Variants in NDUFAF2 observed in about 807,000 individuals in gnomAD.
NDUFAF2 encodes the protein NADH dehydrogenase [ubiquinone] 1 alpha subcomplex assembly factor 2.
Under a neutral mutation model 22.8 loss-of-function variants are expected in NDUFAF2, and 13 were observed. The observed-to-expected ratio is 0.57, with a 90% CI of 0.37 to 0.91. NDUFAF2 has a LOEUF of 0.91. Ranked by LOEUF, NDUFAF2 falls within the 40% of genes least tolerant of loss-of-function variation. NDUFAF2 has a pLI of 0.01. For missense variants in NDUFAF2, 162 were observed against 195.2 expected (o/e 0.83, Z 1.01); for synonymous variants, 53 against 64.2 (o/e 0.83, Z 0.84).
At position 60,955,029 on chromosome 5, in the gene NDUFAF2, G is replaced by A. The variant is rs184720715; in HGVS notation, c.127+9647G>A. ...TGCAAATATTTGTCCTATTCCATAG[G>A]TTGCCTTTGTATCCTTTGCTTTGCA... On this transcript the variant is annotated intron_variant, in intron 1 of 3. Transcript: ENST00000296597. Among the ~76,000 whole-genome samples, 235 of 152,148 alleles carry A rather than the reference G, an allele frequency of 1.5e-3. 1 individual carries two copies. Among genetic ancestry groups the A allele is most frequent in the African/African-American group, 5.5e-3 (228 of 41,538 alleles).
At chr5:61,098,435 C>A (rs548478818) in intron 2 of NDUFAF2, among the ~76,000 whole-genome samples, 1 of 152,208 alleles carries the variant, frequency 6.6e-6, no homozygotes, top group Non-Finnish European at 1.5e-5. Context: ...CAGGCCCCAG[C>A]AGCCACTTAA....
chr5:61,007,076 T>C (rs900847842), intron 1 of NDUFAF2, among the ~76,000 whole-genome samples: 1 of 152,094 alleles, frequency 6.6e-6, no homozygotes, highest in East Asian at 1.9e-4. Context: ...TGCCTGTTCA[T>C]TCTGATGGTA....
At chr5:61,128,962 A>C (rs1753072493) in intron 3 of NDUFAF2, among the ~76,000 whole-genome samples, 1 of 152,204 alleles carries the variant, frequency 6.6e-6, no homozygotes, top group African/African-American at 2.4e-5. Context: ...AGAAAAAAAC[A>C]ACCCCATCAA....
At chr5:60,973,257 TC>T (rs35443366) in intron 1 of NDUFAF2, among the ~76,000 whole-genome samples, 1 of 152,156 alleles carries the variant, frequency 6.6e-6, no homozygotes, top group African/African-American at 2.4e-5. Flanking sequence ...AGTATAGAGT[TC>T]CCTGAGTTCA....
At chr5:61,148,313 T>C (rs1353476482) in intron 3 of NDUFAF2, among the ~76,000 whole-genome samples, 2 of 152,186 alleles carry the variant, frequency 1.3e-5, no homozygotes, top group Admixed American at 1.3e-4. Flanking sequence ...TGCTGCCTAT[T>C]GTCCAGTATC....
At chr5:61,117,871 T>C (rs1024519066) in intron 3 of NDUFAF2, among the ~76,000 whole-genome samples, 19 of 152,258 alleles carry the variant, frequency 1.2e-4, no homozygotes, top group African/African-American at 4.6e-4. Flanking sequence ...AGTGTGGCTA[T>C]ATCCAATAAA....
intron 1 of NDUFAF2, among the ~76,000 whole-genome samples, chr5:60,955,682 T>G (rs1750606354): frequency 6.6e-6 from 1 of 152,192 alleles, no homozygotes; most frequent in Non-Finnish European, 1.5e-5. Context: ...TTAACAATAT[T>G]AATTCTTCCA....
intron 1 of NDUFAF2, among the ~76,000 whole-genome samples, chr5:60,961,276 A>G (rs1434394268): frequency 6.6e-6 from 1 of 151,848 alleles, no homozygotes; most frequent in Admixed American, 6.6e-5. Context: ...CCAGGCCAAC[A>G]TGGTGAAACC....
intron 1 of NDUFAF2, among the ~76,000 whole-genome samples, chr5:61,029,846 G>A (rs886596543): frequency 2.0e-5 from 3 of 152,106 alleles, no homozygotes; most frequent in Non-Finnish European, 2.9e-5. Flanking sequence ...CCCCTTGCCG[G>A]CAGCTAGCCC....
At chr5:61,067,774 C>T (rs1204852309) in intron 1 of NDUFAF2, among the ~76,000 whole-genome samples, 3 of 152,078 alleles carry the variant, frequency 2.0e-5, no homozygotes, top group Admixed American at 6.6e-5. Context: ...ACAGTCCCAC[C>T]AACAGTGTAA....
chr5:61,001,201 A>G (rs1751290741), intron 1 of NDUFAF2, among the ~76,000 whole-genome samples: 1 of 152,026 alleles, frequency 6.6e-6, no homozygotes, highest in African/African-American at 2.4e-5. Flanking sequence ...CATCCACAGC[A>G]ATTCCCCTCA....
intron 1 of NDUFAF2, among the ~76,000 whole-genome samples, chr5:60,947,980 G>T (rs2112560820): frequency 6.6e-6 from 1 of 151,774 alleles, no homozygotes; most frequent in East Asian, 1.9e-4. Flanking sequence ...GAGTTTTATT[G>T]AAGTATAATT....
At chr5:60,960,827 T>C (rs1290188553) in intron 1 of NDUFAF2, among the ~76,000 whole-genome samples, 1 of 152,194 alleles carries the variant, frequency 6.6e-6, no homozygotes, top group African/African-American at 2.4e-5. Flanking sequence ...CATCTTGTGG[T>C]CCAACTCACA....
chr5:61,070,048 T>C (rs4700406), intron 1 of NDUFAF2, among the ~76,000 whole-genome samples: 94,929 of 151,980 alleles, frequency 0.62, 30,482 homozygotes, highest in East Asian at 0.94. Flanking sequence ...TACTGTTTTA[T>C]TTAATAATAC....
At chr5:61,063,188 T>G (rs1433815154) in intron 1 of NDUFAF2, among the ~76,000 whole-genome samples, 1 of 151,980 alleles carries the variant, frequency 6.6e-6, no homozygotes, top group Non-Finnish European at 1.5e-5. Context: ...CATACTAATC[T>G]CTAGTATAAA....
At position 61,098,987 on chromosome 5, in the gene NDUFAF2, T is replaced by C. The variant is rs754685500; in HGVS notation, c.218-5T>C. ...CTGACATTTAAATATTATTTTTCTTTCTAGCTTGGATTAGAAGAACAAGAA... is the reference window on the plus strand; with the variant it reads ...CTGACATTTAAATATTATTTTTCTTCCTAGCTTGGATTAGAAGAACAAGAA... On this transcript the variant is annotated splice_region_variant and splice_polypyrimidine_tract_variant and intron_variant, in intron 2 of 3. Transcript: ENST00000296597. The C allele has an allele frequency of 2.5e-6, 4 of 1,597,320 alleles. No homozygotes were observed. Among genetic ancestry groups the C allele is most frequent in the Admixed American group, 1.7e-5 (1 of 58,728 alleles).
In NDUFAF2 at chr5:61,075,338, G is replaced by GA. The variant is rs1048421245; in HGVS notation, c.217+2134dup. 2.3e-3 allele frequency among the ~76,000 whole-genome samples: 338 copies of GA among 147,366 alleles called. 2 individuals are homozygous for GA. Among genetic ancestry groups the GA allele is most frequent in the East Asian group, 0.014 (70 of 5,070 alleles). The stretch of plus-strand genomic sequence containing the variant: ...TTCTGCTTACTACTAGAACTATGAG[G>GA]AAAAAAAAAACCATAAAAATAAGTA... On this transcript the variant is annotated intron_variant, in intron 2 of 3. Coordinates refer to ENST00000296597, the MANE Select transcript of NDUFAF2 (RefSeq NM_174889.5).
At chr5:61,003,855 T>C (rs930089769) in intron 1 of NDUFAF2, among the ~76,000 whole-genome samples, 1 of 151,838 alleles carries the variant, frequency 6.6e-6, no homozygotes, top group African/African-American at 2.4e-5. Flanking sequence ...ATTAGGAGAT[T>C]GAGGTCTTAC....
intron 1 of NDUFAF2, among the ~76,000 whole-genome samples, chr5:61,049,550 T>A (rs1399356748): frequency 2.0e-5 from 3 of 152,152 alleles, no homozygotes; most frequent in Non-Finnish European, 4.4e-5. Context: ...TCCAGAACTC[T>A]TTTTATCTTG....
Sources: gnomAD v4.1 joint callset for allele counts (sites outside exome capture counted in the v4.1 genomes callset) on GRCh38, gnomAD v4.1.1 for gene constraint, MANE v1.5 for transcripts, NCBI Gene and HGNC (gene_info 2026-07-23, HGNC 2026-07-21) for gene names.